Variants in SEMA3E observed in about 807,000 individuals in gnomAD.
SEMA3E encodes the protein semaphorin 3E, also known as semaphorin-3E.
A neutral mutation model predicts 93.6 loss-of-function variants in SEMA3E; 49 were observed. That is an observed-to-expected ratio of 0.52 (90% CI 0.42 to 0.66). The LOEUF (loss-of-function observed/expected upper bound fraction) is 0.66, where lower values mean the gene tolerates loss of function less well. SEMA3E is among the 30% of genes least tolerant of loss of function. The pLI is 0.00. For missense variants in SEMA3E, 906 were observed against 964.8 expected, an observed-to-expected ratio of 0.94 and a Z score of 0.81; for synonymous variants, 363 against 330.7, an observed-to-expected ratio of 1.10 and a Z score of -1.06.
chr7:83,374,790 G>A (rs980595494), intron 16 of SEMA3E, among the ~76,000 whole-genome samples: 2 of 151,984 alleles, frequency 1.3e-5, no homozygotes, highest in Non-Finnish European at 2.9e-5. Flanking sequence ...TTCAACAGAT[G>A]CATATGGAGA....
Position 83,418,010 on chromosome 7 carries a change from C to A in SEMA3E, c.550+380G>T, listed in dbSNP as rs73391455. ...GATACCATAAAGAATATTAAAAGTT[C>A]TCTAAAGTCACAAAATAATTGAAAC... On this transcript the variant is annotated intron_variant, in intron 5 of 16. Transcript: ENST00000643230. Among the ~76,000 whole-genome samples, 1,041 of 152,196 alleles carry A rather than the reference C, an allele frequency of 6.8e-3. 14 individuals carry two copies. Among genetic ancestry groups the A allele is most frequent in the African/African-American group, 0.024 (1,001 of 41,534 alleles).
At chr7:83,586,805 A>G (rs1792636606) in intron 1 of SEMA3E, among the ~76,000 whole-genome samples, 1 of 152,064 alleles carries the variant, frequency 6.6e-6, no homozygotes, top group Admixed American at 6.6e-5. Context: ...TCTATCGTCA[A>G]CAATGTAAGT....
chr7:83,390,322 T>A (rs1787994527), intron 14 of SEMA3E, among the ~76,000 whole-genome samples: 1 of 151,106 alleles, frequency 6.6e-6, no homozygotes, highest in South Asian at 2.1e-4. Context: ...TTTCAGAAAG[T>A]TGAACAAATT....
intron 1 of SEMA3E, 40 bp downstream of exon 1, chr7:83,648,383 CTTTTT>C: frequency 8.6e-7 from 1 of 1,159,098 alleles, no homozygotes; most frequent in Non-Finnish European, 1.2e-6. Context: ...TTTTCTTTTT[CTTTTT>C]TTTTTTTTTT....
intron 5 of SEMA3E, among the ~76,000 whole-genome samples, chr7:83,413,961 G>A (rs748575118): frequency 2.0e-5 from 3 of 152,050 alleles, no homozygotes; most frequent in Admixed American, 6.6e-5. Flanking sequence ...TCGTTGTGAC[G>A]GAACCATAAG....
chr7:83,389,485 GA>G lies in SEMA3E; in HGVS notation c.1668-2436del, dbSNP rs1787948582. On this transcript the variant is annotated intron_variant, in intron 14 of 16. Transcript: ENST00000643230. ...GCAAAAATATCGCTGAAAGTTATTG[GA>G]AACATACATTTAAAAAGAAAGACAT... Among the ~76,000 whole-genome samples, 10 of 124,894 alleles carry G rather than the reference GA, an allele frequency of 8.0e-5. 1 individual carries two copies. The South Asian group carries it at 2.4e-3, about 30-fold the overall frequency. 81.9% of individuals were successfully genotyped at this position (124,894 alleles called of 152,430 possible). A position where few individuals can be genotyped will look rare whatever the true frequency, so the allele number is the denominator to read the frequency against.
At chr7:83,472,532 C>A (rs1040629214) in intron 2 of SEMA3E, among the ~76,000 whole-genome samples, 6 of 152,138 alleles carry the variant, frequency 3.9e-5, no homozygotes, top group African/African-American at 4.8e-5. Context: ...ATCACCTTCC[C>A]TCACCAGAAT....
intron 1 of SEMA3E, among the ~76,000 whole-genome samples, chr7:83,583,795 A>C (rs1792561967): frequency 6.6e-6 from 1 of 152,156 alleles, no homozygotes; most frequent in Non-Finnish European, 1.5e-5. Context: ...ATTCAAGAAG[A>C]GATAATTTCT....
At chr7:83,572,968 G>T (rs909761927) in intron 1 of SEMA3E, among the ~76,000 whole-genome samples, 2 of 152,226 alleles carry the variant, frequency 1.3e-5, no homozygotes, top group Admixed American at 6.5e-5. Context: ...CTTGATATCA[G>T]GTTTGGTAAA....
chr7:83,385,571 G>A, intron 15 of SEMA3E, 138 bp from the exon 16 acceptor site: 1 of 981,720 alleles, frequency 1.0e-6, no homozygotes, highest in Non-Finnish European at 1.6e-6. Flanking sequence ...TAATTTAAAG[G>A]AATTATTTAG....
intron 4 of SEMA3E, among the ~76,000 whole-genome samples, chr7:83,435,624 GAAAAGAA>G (rs1382006259): frequency 6.6e-6 from 1 of 151,648 alleles, no homozygotes; most frequent in African/African-American, 2.4e-5. Context: ...AAGAAAGAAA[GAAAAGAA>G]AAAAGAAAGA....
intron 16 of SEMA3E, among the ~76,000 whole-genome samples, chr7:83,383,921 A>G (rs1787831286): frequency 6.6e-6 from 1 of 152,018 alleles, no homozygotes; most frequent in African/African-American, 2.4e-5. Context: ...GAATTTAAAA[A>G]GCCATTTCAC....
chr7:83,456,445 A>G (rs1789478660), intron 4 of SEMA3E, among the ~76,000 whole-genome samples: 2 of 152,178 alleles, frequency 1.3e-5, no homozygotes, highest in East Asian at 1.9e-4. Context: ...CAGAGGGATT[A>G]AGTAGGATGC....
chr7:83,495,439 A>G (rs79436902), intron 1 of SEMA3E, among the ~76,000 whole-genome samples: 1,734 of 151,096 alleles, frequency 0.011, 34 homozygotes, highest in African/African-American at 0.038. Context: ...AAATTGCAGT[A>G]TGCTTTATTT....
At chr7:83,590,861 A>G (rs1479030055) in intron 1 of SEMA3E, among the ~76,000 whole-genome samples, 1 of 152,060 alleles carries the variant, frequency 6.6e-6, no homozygotes, top group Admixed American at 6.6e-5. Flanking sequence ...GATTATAATA[A>G]CCTTCCCATA....
intron 1 of SEMA3E, among the ~76,000 whole-genome samples, chr7:83,579,083 T>C (rs966966918): frequency 6.6e-6 from 1 of 152,162 alleles, no homozygotes; most frequent in Non-Finnish European, 1.5e-5. Flanking sequence ...GAGAACATGT[T>C]ATCCTATTAT....
intron 4 of SEMA3E, among the ~76,000 whole-genome samples, chr7:83,425,382 T>C (rs1429590258): frequency 2.0e-5 from 3 of 152,282 alleles, no homozygotes; most frequent in African/African-American, 4.8e-5. Context: ...TTTGACACTG[T>C]TACCTGCTTT....
intron 16 of SEMA3E, chr7:83,372,620 A>T (rs906879967): frequency 5.1e-6 from 1 of 194,584 alleles, no homozygotes; most frequent in Non-Finnish European, 1.0e-5. Flanking sequence ...AGATTGGTCA[A>T]GATACAAGAT....
chr7:83,455,847 C>T (rs1229409228), intron 4 of SEMA3E, among the ~76,000 whole-genome samples: 1 of 152,196 alleles, frequency 6.6e-6, no homozygotes, highest in African/African-American at 2.4e-5. Flanking sequence ...AAAATGAGGA[C>T]CTTGGTCTTA....
Sources: gnomAD v4.1 joint callset for allele counts (sites outside exome capture counted in the v4.1 genomes callset) on GRCh38, gnomAD v4.1.1 for gene constraint, MANE v1.5 for transcripts, NCBI Gene and HGNC (gene_info 2026-07-23, HGNC 2026-07-21) for gene names.